The following RNLS variants were observed in gnomAD, a reference collection of about 807,000 sequenced individuals.
RNLS encodes renalase, FAD dependent amine oxidase, also known as renalase.
In RNLS, 39 loss-of-function variants were observed where a neutral mutation model predicts 39.8. That is an observed-to-expected ratio of 0.98 (90% confidence interval 0.76 to 1.28). The LOEUF (loss-of-function observed/expected upper bound fraction) is 1.28. RNLS is among the 50% of genes most tolerant of loss of function. RNLS has a pLI of 0.00. For synonymous variants in RNLS, 147 were observed against 150.7 expected (o/e 0.98, Z 0.18); for missense variants, 410 against 413.3 (o/e 0.99, Z 0.07).
intron 4 of RNLS, among the ~76,000 whole-genome samples, chr10:88,542,728 G>C (rs769923865): frequency 1.3e-5 from 2 of 152,098 alleles, no homozygotes; most frequent in African/African-American, 4.8e-5. Flanking sequence ...CTGAAGCACC[G>C]ATAATAGATG....
intron 4 of RNLS, among the ~76,000 whole-genome samples, chr10:88,502,334 G>A (rs1406862977): frequency 6.8e-6 from 1 of 147,960 alleles, no homozygotes; most frequent in African/African-American, 2.5e-5. Context: ...AGGTGGGCGG[G>A]GGGGCGGGGT....
chr10:88,240,757 C>A, the RNLS span, among the ~76,000 whole-genome samples: 1 of 152,024 alleles, frequency 6.6e-6, no homozygotes, highest in Non-Finnish European at 1.5e-5. Flanking sequence ...CCACCATGAC[C>A]TCCTCCTAAT....
At chr10:88,194,117 CTCTCCAAAT>C in the RNLS span, among the ~76,000 whole-genome samples, 1 of 152,200 alleles carries the variant, frequency 6.6e-6, no homozygotes, top group Admixed American at 6.5e-5. Context: ...GGGGTGTAAA[CTCTCCAAAT>C]TCTCTTCAAA....
At chr10:88,301,828 G>A (rs1031672385) in intron 6 of RNLS, among the ~76,000 whole-genome samples, 8 of 152,134 alleles carry the variant, frequency 5.3e-5, no homozygotes, top group African/African-American at 1.7e-4. Context: ...GAAGAGAAAA[G>A]AGATAAACTT....
At chr10:88,327,064 A>G (rs909258555) in intron 5 of RNLS, among the ~76,000 whole-genome samples, 1 of 152,198 alleles carries the variant, frequency 6.6e-6, no homozygotes, top group African/African-American at 2.4e-5. Context: ...GTATCTAGGA[A>G]GTAACTAACC....
intron 5 of RNLS, among the ~76,000 whole-genome samples, chr10:88,341,678 C>T (rs1317965655): frequency 6.6e-6 from 1 of 151,920 alleles, no homozygotes; most frequent in African/African-American, 2.4e-5. Flanking sequence ...TTTGCTCTAC[C>T]ATACTTTAAA....
chr10:88,242,504 C>A, the RNLS span, among the ~76,000 whole-genome samples: 1 of 151,888 alleles, frequency 6.6e-6, no homozygotes, highest in Non-Finnish European at 1.5e-5. Flanking sequence ...CATATTTGGG[C>A]AAAATATTCT....
chr10:88,218,423 G>A, the RNLS span, among the ~76,000 whole-genome samples: 1 of 152,236 alleles, frequency 6.6e-6, no homozygotes, highest in Non-Finnish European at 1.5e-5. Flanking sequence ...CTGCAGATGG[G>A]AAGCACACTT....
intron 4 of RNLS, among the ~76,000 whole-genome samples, chr10:88,394,800 T>C (rs1852447775): frequency 6.6e-6 from 1 of 152,134 alleles, no homozygotes; most frequent in African/African-American, 2.4e-5. Flanking sequence ...AACCTAAATG[T>C]CCAACAATGA....
chr10:88,308,844 C>A (rs551629684), intron 6 of RNLS, among the ~76,000 whole-genome samples: 1 of 152,174 alleles, frequency 6.6e-6, no homozygotes, highest in African/African-American at 2.4e-5. Context: ...GTGCTATTCA[C>A]AATAGCAAAT....
At chr10:88,486,949 T>TGGAA (rs3033821) in intron 4 of RNLS, among the ~76,000 whole-genome samples, 73,565 of 151,514 alleles carry the variant, frequency 0.49, 18,355 homozygotes, top group Middle Eastern at 0.57. Context: ...TAGTAAAACA[T>TGGAA]TTAACCTAAA....
chr10:88,333,165 A>C (rs1847237295), intron 5 of RNLS, among the ~76,000 whole-genome samples: 1 of 152,222 alleles, frequency 6.6e-6, no homozygotes, highest in Non-Finnish European at 1.5e-5. Flanking sequence ...TATATTTTTG[A>C]AATGCCTGGC....
At chr10:88,217,737 T>TAAAAAA in the RNLS span, among the ~76,000 whole-genome samples, 15 of 22,460 alleles carry the variant, frequency 6.7e-4, no homozygotes, top group African/African-American at 3.4e-3. Flanking sequence ...TGCCTTCAAA[T>TAAAAAA]GAAAAAAAAA....
At chr10:88,222,926 C>T in the RNLS span, among the ~76,000 whole-genome samples, 1 of 152,330 alleles carries the variant, frequency 6.6e-6, no homozygotes, top group South Asian at 2.1e-4. Context: ...TAACTAGCAT[C>T]TTCCACTTTT....
chr10:88,472,357 G>T (rs940520703), intron 4 of RNLS, among the ~76,000 whole-genome samples: 4 of 152,220 alleles, frequency 2.6e-5, no homozygotes, highest in African/African-American at 9.6e-5. Flanking sequence ...GTTTGAGGAA[G>T]ATTAATCTGG....
At chr10:88,483,915 A>G (rs1346244586) in intron 4 of RNLS, among the ~76,000 whole-genome samples, 2 of 152,134 alleles carry the variant, frequency 1.3e-5, no homozygotes, top group African/African-American at 4.8e-5. Context: ...TATAATAAAG[A>G]TAATTAAGGA....
chr10:88,306,479 C>A (rs11516994), intron 6 of RNLS, among the ~76,000 whole-genome samples: 46,702 of 151,702 alleles, frequency 0.31, 7,568 homozygotes, highest in South Asian at 0.41. Context: ...AAACACAATA[C>A]GAAAAAACAA....
chr10:88,395,682 T>C (rs1852516591), intron 4 of RNLS, among the ~76,000 whole-genome samples: 1 of 151,886 alleles, frequency 6.6e-6, no homozygotes, highest in African/African-American at 2.4e-5. Flanking sequence ...AATATATATA[T>C]AAATAATGGC....
At chr10:88,454,831 A>G (rs1157992800) in intron 4 of RNLS, among the ~76,000 whole-genome samples, 1 of 152,236 alleles carries the variant, frequency 6.6e-6, no homozygotes, top group Non-Finnish European at 1.5e-5. Context: ...AGCAAGGAGA[A>G]TAGATGATTC....
Sources: gnomAD v4.1 joint callset for allele counts (sites outside exome capture counted in the v4.1 genomes callset) on GRCh38, gnomAD v4.1.1 for gene constraint, MANE v1.5 for transcripts, NCBI Gene and HGNC (gene_info 2026-07-23, HGNC 2026-07-21) for gene names.